The following PEAK1 variants were observed in gnomAD, a reference collection of about 807,000 sequenced individuals.
The protein encoded by PEAK1 is inactive tyrosine-protein kinase PEAK1.
In PEAK1, 54 loss-of-function variants were observed where a neutral mutation model predicts 124.7. That is an observed-to-expected ratio of 0.43 (90% CI 0.35 to 0.54). PEAK1 has a LOEUF of 0.54. PEAK1 is among the 20% of genes least tolerant of loss of function. The pLI, the probability that PEAK1 is intolerant of heterozygous loss-of-function variation, is 0.01. For synonymous variants in PEAK1, 719 were observed against 760.0 expected (o/e 0.95, Z 0.89); for missense variants, 2,046 against 2,134.5 (o/e 0.96, Z 0.82).
At chr15:77,347,441 T>C in intron 2 of PEAK1, 1 of 985,302 alleles carries the variant, frequency 1.0e-6, no homozygotes. Context: ...TCAAAAGCAA[T>C]ATTGTTCTAG....
chr15:77,341,094 T>C (rs985088251), intron 2 of PEAK1, among the ~76,000 whole-genome samples: 20 of 151,926 alleles, frequency 1.3e-4, no homozygotes, highest in African/African-American at 4.8e-4. Context: ...AACTTTACTA[T>C]AAAAAATACA....
chr15:77,371,966 G>T (rs1301523339), intron 1 of PEAK1, among the ~76,000 whole-genome samples: 1 of 152,186 alleles, frequency 6.6e-6, no homozygotes, highest in Non-Finnish European at 1.5e-5. Flanking sequence ...AGCACATAAT[G>T]GGTACTTTAA....
At chr15:77,265,441 CGAA>C (rs2061670979) in intron 5 of PEAK1, among the ~76,000 whole-genome samples, 1 of 152,064 alleles carries the variant, frequency 6.6e-6, no homozygotes, top group African/African-American at 2.4e-5. Context: ...AAAAAGTGGG[CGAA>C]GGACATGAAC....
At chr15:77,107,654 C>T (rs1055144535), downstream of PEAK1, 3 of 152,282 alleles carry the variant, frequency 2.0e-5, no homozygotes, top group Admixed American at 6.5e-5. Flanking sequence ...AGTGTCCACA[C>T]ATTAGCTTGT....
At chr15:77,352,329 A>C in intron 2 of PEAK1, 1 of 985,368 alleles carries the variant, frequency 1.0e-6, no homozygotes, top group Non-Finnish European at 1.2e-6. Context: ...GCCTTACTCG[A>C]TCTATCTCCA....
chr15:77,311,702 A>AAAG, intron 2 of PEAK1, among the ~76,000 whole-genome samples: 1 of 150,688 alleles, frequency 6.6e-6, no homozygotes, highest in East Asian at 1.9e-4. Context: ...AAAAAAAAAA[A>AAAG]AAAAGAAAAA....
downstream of PEAK1, chr15:77,106,652 C>G (rs1273457554): frequency 6.6e-6 from 1 of 152,296 alleles, no homozygotes; most frequent in Non-Finnish European, 1.5e-5. Context: ...GTGTGAGCCA[C>G]CACATCCGGC....
chr15:77,350,140 A>C (rs2067119768), intron 2 of PEAK1: 1 of 985,360 alleles, frequency 1.0e-6, no homozygotes, highest in Admixed American at 6.1e-5. Flanking sequence ...GAAAGATGTG[A>C]AAATGCATGC....
chr15:77,114,714 C>T lies in PEAK1; in HGVS notation c.4683G>A (p.Gln1561=), dbSNP rs748993516. 1.9e-6 allele frequency: 3 copies of T among 1,613,436 alleles called. No individual in the cohort carries two copies. The South Asian group carries it at 3.3e-5, about 18-fold the overall frequency. ...TCTCGGGGTCCACCAGATGGCTCTT[C>T]TGCTTGGCCTGAGAGAAGTTGCTCA... ...LIVSNFSQAK[Q]KSHLVDPEIL... The change falls in exon 10 of 10, where the codon CAG becomes CAA. Residue 1561 remains glutamine, a synonymous_variant. Transcript: ENST00000682557.
chr15:77,273,752 C>A (rs930231536), intron 5 of PEAK1, among the ~76,000 whole-genome samples: 5 of 152,056 alleles, frequency 3.3e-5, no homozygotes, highest in African/African-American at 1.2e-4. Flanking sequence ...ATACCACCAC[C>A]ATTCTTCACA....
chr15:77,334,247 T>C, intron 2 of PEAK1: 1 of 984,792 alleles, frequency 1.0e-6, no homozygotes. Flanking sequence ...AAATAGGCTT[T>C]CAGGTAATTT....
At chr15:77,157,139 A>G (rs189977601) in intron 8 of PEAK1, 1 of 152,220 alleles carries the variant, frequency 6.6e-6, no homozygotes, top group East Asian at 1.9e-4. Context: ...CTTCTTAGGG[A>G]CTCCTTTATT....
At chr15:77,321,209 G>C (rs1209060223) in intron 2 of PEAK1, among the ~76,000 whole-genome samples, 1 of 152,198 alleles carries the variant, frequency 6.6e-6, no homozygotes, top group African/African-American at 2.4e-5. Context: ...GGTATTTCTA[G>C]TTCTAGAGCC....
chr15:77,221,651 C>G (rs1296012544), intron 6 of PEAK1, among the ~76,000 whole-genome samples: 3 of 151,984 alleles, frequency 2.0e-5, no homozygotes, highest in Admixed American at 6.6e-5. Flanking sequence ...CCTAACTGGG[C>G]AAACATTTTA....
intron 6 of PEAK1, among the ~76,000 whole-genome samples, chr15:77,220,197 A>G (rs1346659711): frequency 2.0e-5 from 3 of 152,096 alleles, no homozygotes; most frequent in Admixed American, 6.6e-5. Flanking sequence ...TTCATGAGAA[A>G]CTTGGTAAAA....
At chr15:77,280,688 C>A (rs75849218) in intron 5 of PEAK1, among the ~76,000 whole-genome samples, 1 of 151,804 alleles carries the variant, frequency 6.6e-6, no homozygotes, top group African/African-American at 2.4e-5. Flanking sequence ...CAAGTTGACT[C>A]CACAAACTTC....
chr15:77,365,307 C>T (rs1010611117), intron 1 of PEAK1, 82 bp from the exon 2 acceptor site: 18 of 494,456 alleles, frequency 3.6e-5, no homozygotes, highest in Non-Finnish European at 4.2e-5. Flanking sequence ...TTCAATAGAA[C>T]CCTAACTTGA....
intron 6 of PEAK1, among the ~76,000 whole-genome samples, chr15:77,192,936 G>A (rs2057914083): frequency 6.6e-6 from 1 of 152,028 alleles, no homozygotes; most frequent in African/African-American, 2.4e-5. Flanking sequence ...ATACTCTTCT[G>A]TGTCTTTTTT....
intron 1 of PEAK1, among the ~76,000 whole-genome samples, chr15:77,375,956 G>A (rs957098077): frequency 2.0e-5 from 3 of 151,730 alleles, no homozygotes; most frequent in Admixed American, 1.3e-4. Flanking sequence ...CCGAGATCGC[G>A]CCACTGCACT....
Sources: gnomAD v4.1 joint callset for allele counts (sites outside exome capture counted in the v4.1 genomes callset) on GRCh38, gnomAD v4.1.1 for gene constraint, MANE v1.5 for transcripts, NCBI Gene and HGNC (gene_info 2026-07-23, HGNC 2026-07-21) for gene names.